Variants in LIF observed in about 807,000 individuals in gnomAD.
LIF encodes the protein leukemia inhibitory factor.
A neutral mutation model predicts 15.0 loss-of-function variants in LIF; 9 were observed. The ratio of observed to expected loss-of-function variants is 0.60; its 90% CI spans 0.36 to 1.04. The LOEUF is 1.04. Among genes scored for constraint, LIF ranks in the 50% least tolerant of loss-of-function variants. The pLI is 0.01. For synonymous variants in LIF, 122 were observed against 119.7 expected (o/e 1.02, Z -0.13); for missense variants, 240 against 266.7 (o/e 0.90, Z 0.70).
intron 1 of LIF, among the ~76,000 whole-genome samples, chr22:30,245,522 A>G (rs1928851985): frequency 6.6e-6 from 1 of 151,914 alleles, no homozygotes; most frequent in African/African-American, 2.4e-5. Flanking sequence ...CCCTGGGCCA[A>G]TTGCCCCCAA....
chr22:30,240,586 G>C lies in LIF; in HGVS notation c.*3065C>G, dbSNP rs1601639154. The C allele has an allele frequency of 6.6e-6, 1 of 152,518 alleles. No homozygotes were observed. Among genetic ancestry groups the C allele is most frequent in the South Asian group, 2.1e-4 (1 of 4,814 alleles). 9.4% of individuals were successfully genotyped at this position (152,518 alleles called of 1,614,324 possible). A position where few individuals can be genotyped will look rare whatever the true frequency, so the allele number is the denominator to read the frequency against. On this transcript the variant is annotated 3_prime_UTR_variant, in exon 3 of 3. Transcript: ENST00000249075. ...CTGTCAGTATGAAACATCCCCACAGGGTACATTCATCAAAGAGGAATTTGT... is the reference window on the plus strand; with the variant it reads ...CTGTCAGTATGAAACATCCCCACAGCGTACATTCATCAAAGAGGAATTTGT...
At position 30,243,046 on chromosome 22, in the gene LIF, A is replaced by C; in HGVS notation, c.*605T>G. ...TGCCTCCCCAAGAGCCTGAATGCCAAGTGACCTCCTTCTGGAAACTTCTGC... is the reference window on the plus strand; with the variant it reads ...TGCCTCCCCAAGAGCCTGAATGCCACGTGACCTCCTTCTGGAAACTTCTGC... On this transcript the variant is annotated 3_prime_UTR_variant, in exon 3 of 3. Coordinates refer to ENST00000249075, the MANE Select transcript of LIF (RefSeq NM_002309.5). The surrounding 1 kb of genome is among the most constrained non-coding windows in gnomAD (Gnocchi z 6.0). The C allele has an allele frequency of 6.2e-6, 1 of 160,258 alleles. No homozygotes were observed. Among genetic ancestry groups the C allele is most frequent in the East Asian group, 1.8e-4 (1 of 5,614 alleles). 9.9% of individuals were successfully genotyped at this position (160,258 alleles called of 1,614,324 possible). A position where few individuals can be genotyped will look rare whatever the true frequency, so the allele number is the denominator to read the frequency against.
intron 1 of LIF, 93 bp downstream of exon 1, chr22:30,246,584 G>T (rs767346816): frequency 2.0e-6 from 3 of 1,494,046 alleles, no homozygotes; most frequent in South Asian, 2.6e-5. Flanking sequence ...TGTCTGCGGC[G>T]GGTGGGCGTC....
chr22:30,244,688 C>T (rs1928808661), intron 2 of LIF, 67 bp downstream of exon 2: 10 of 1,467,106 alleles, frequency 6.8e-6, no homozygotes, highest in Non-Finnish European at 9.5e-6. Context: ...CAGATCAGGA[C>T]AGCCCCTAAT....
At chr22:30,245,449 G>A (rs1928848093) in intron 1 of LIF, among the ~76,000 whole-genome samples, 1 of 152,182 alleles carries the variant, frequency 6.6e-6, no homozygotes, top group South Asian at 2.1e-4. Flanking sequence ...GGGCATGGGG[G>A]AGTGGGGAGG....
Position 30,240,804 on chromosome 22 carries a change from G to A in LIF, c.*2847C>T, listed in dbSNP as rs974835194. 1 of 152,262 alleles carries A rather than the reference G, an allele frequency of 6.6e-6. No homozygotes were observed. Among genetic ancestry groups the A allele is most frequent in the Non-Finnish European group, 1.5e-5 (1 of 68,124 alleles). The allele number at this position is 152,262 out of a possible 1,614,324, so 9.4% of individuals were successfully genotyped here. A position where few individuals can be genotyped will look rare whatever the true frequency, so the allele number is the denominator to read the frequency against. On this transcript the variant is annotated 3_prime_UTR_variant, in exon 3 of 3. Transcript: ENST00000249075. ...AAATGCTACCTCCCCGGGTGCCAGA[G>A]CTCCAACCCCACACACTATGTCTAC... is the stretch of plus-strand genomic sequence containing the variant.
Position 30,243,624 on chromosome 22 carries a change from G to A in LIF, c.*27C>T. 1 of 1,613,992 alleles carries A rather than the reference G, an allele frequency of 6.2e-7. No individual in the cohort carries two copies. Among genetic ancestry groups the A allele is most frequent in the African/African-American group, 1.3e-5 (1 of 75,044 alleles). On this transcript the variant is annotated 3_prime_UTR_variant, in exon 3 of 3. Transcript: ENST00000249075. This position sits in a 1 kb window ranked among gnomAD's most constrained non-coding sequence, Gnocchi z 6.0. Reference sequence around the variant, plus strand: ...TGGACCCAACTCCTGAGATCCCTCGGTTCACAGCACACTTCAAGACCTCCT... The same window carrying A: ...TGGACCCAACTCCTGAGATCCCTCGATTCACAGCACACTTCAAGACCTCCT...
chr22:30,245,037 C>T (rs1928828723), intron 1 of LIF, 104 bp from the exon 2 acceptor site: 4 of 1,085,758 alleles, frequency 3.7e-6, no homozygotes, highest in East Asian at 2.5e-5. Context: ...TGGGAGAGGA[C>T]TCCTGGTTCC....
chr22:30,244,046 C>T lies in LIF; in HGVS notation c.214G>A (p.Glu72Lys). Residue 72 changes from glutamate to lysine, a missense_variant, in exon 3 of 3, where the codon GAG (glutamate) becomes AAG (lysine). Glu to Lys is a moderately conservative substitution (Grantham distance 56). Coordinates refer to ENST00000249075, the MANE Select transcript of LIF (RefSeq NM_002309.5). Reference protein sequence around the residue: ...LFILYYTAQGEPFPNNLDKLC... With the variant: ...LFILYYTAQGKPFPNNLDKLC... ...TTGTCCAGGTTGTTGGGGAACGGCT[C>T]CCCCTGGGCTGTGTACTGAGGGGCA... 1 of 1,608,058 alleles carries T rather than the reference C, an allele frequency of 6.2e-7. No individual in the cohort carries two copies. Among genetic ancestry groups the T allele is most frequent in the Non-Finnish European group, 8.5e-7 (1 of 1,178,728 alleles).
At chr22:30,246,454 C>T in intron 1 of LIF, 1 of 1,212,160 alleles carries the variant, frequency 8.2e-7, no homozygotes, top group Non-Finnish European at 1.0e-6. Context: ...AGGCTCGGCG[C>T]CCCCTCCCTC....
rs766190031 is a variant in LIF at position 30,246,753 on chromosome 22, G to A, written c.-58C>T. 7.8e-6 allele frequency: 12 copies of A among 1,540,520 alleles called. No homozygotes were observed. Among genetic ancestry groups the A allele is most frequent in the Admixed American group, 5.9e-5 (3 of 50,996 alleles). On this transcript the variant is annotated 5_prime_UTR_variant, in exon 1 of 3. Coordinates refer to ENST00000249075, the MANE Select transcript of LIF (RefSeq NM_002309.5). The stretch of plus-strand genomic sequence containing the variant: ...ACCTCAGATGCCGGCAGTTTTCAGA[G>A]GTTCATGCTCAAATGGGGAATTTGC...
Position 30,243,713 on chromosome 22 carries a change from G to A in LIF, c.547C>T (p.Leu183=). ...TACTTCCCCAGGAGTTGACAGCCCAGCTTCTTCTTCTGGAAGACATCCTTA... is the reference window on the plus strand; with the variant it reads ...TACTTCCCCAGGAGTTGACAGCCCAACTTCTTCTTCTGGAAGACATCCTTA... ...SGKDVFQKKK[L]GCQLLGKYKQ... is the part of the protein sequence containing the mutation. The change falls in exon 3 of 3, where the codon CTG becomes TTG. Residue 183 remains leucine (L), a synonymous_variant. Coordinates refer to ENST00000249075, the MANE Select transcript of LIF (RefSeq NM_002309.5). The surrounding 1 kb of genome is among the most constrained non-coding windows in gnomAD (Gnocchi z 6.0). 2 of 1,614,254 alleles carry A rather than the reference G, an allele frequency of 1.2e-6. No homozygotes were observed. Among genetic ancestry groups the A allele is most frequent in the South Asian group, 1.1e-5 (1 of 91,090 alleles).
chr22:30,246,553 C>T (rs1443995994), intron 1 of LIF, 124 bp downstream of exon 1: 4 of 1,357,998 alleles, frequency 2.9e-6, no homozygotes, highest in African/African-American at 3.1e-5. Flanking sequence ...GGTGGCTGCG[C>T]GGGCGCCCCA....
chr22:30,244,330 G>A (rs762874968), intron 2 of LIF, among the ~76,000 whole-genome samples: 3 of 152,024 alleles, frequency 2.0e-5, no homozygotes, highest in Non-Finnish European at 4.4e-5. Flanking sequence ...GGGAAAACTC[G>A]GTGTCTAGCC....
At position 30,243,963 on chromosome 22, in the gene LIF, C is replaced by T. The variant is rs141563207; in HGVS notation, c.297G>A (p.Lys99=). ...FPPFHANGTE[K]AKLVELYRIV... is the part of the protein sequence containing the mutation. ...TGCGGTACAGCTCCACCAGCTTGGCCTTCTCCGTGCCGTTGGCGTGGAAGG... is the reference window on the plus strand; with the variant it reads ...TGCGGTACAGCTCCACCAGCTTGGCTTTCTCCGTGCCGTTGGCGTGGAAGG... Residue 99 remains lysine, a synonymous_variant, in exon 3 of 3, where the codon AAG becomes AAA. Transcript: ENST00000249075. The surrounding 1 kb of genome is among the most constrained non-coding windows in gnomAD (Gnocchi z 6.0). The T allele has an allele frequency of 8.9e-4, 1,438 of 1,614,156 alleles. 2 individuals are homozygous for T. Among genetic ancestry groups the T allele is most frequent in the Non-Finnish European group, 1.0e-3 (1,232 of 1,180,024 alleles).
Position 30,243,635 on chromosome 22 carries a change from A to G in LIF, c.*16T>C, listed in dbSNP as rs1425311866. 2 of 1,614,028 alleles carry G rather than the reference A, an allele frequency of 1.2e-6. No individual in the cohort carries two copies. Among genetic ancestry groups the G allele is most frequent in the South Asian group, 1.1e-5 (1 of 91,078 alleles). Reference sequence around the variant, plus strand: ...CCTGAGATCCCTCGGTTCACAGCACACTTCAAGACCTCCTGCTAGAAGGCC... The same window carrying G: ...CCTGAGATCCCTCGGTTCACAGCACGCTTCAAGACCTCCTGCTAGAAGGCC... On this transcript the variant is annotated 3_prime_UTR_variant, in exon 3 of 3. Coordinates refer to ENST00000249075, the MANE Select transcript of LIF (RefSeq NM_002309.5). The surrounding 1 kb of genome is among the most constrained non-coding windows in gnomAD (Gnocchi z 6.0).
intron 1 of LIF, among the ~76,000 whole-genome samples, chr22:30,245,353 G>A (rs1235341978): frequency 1.3e-5 from 2 of 152,180 alleles, no homozygotes; most frequent in Admixed American, 6.5e-5. Flanking sequence ...CACCTCCCGT[G>A]GTGGCCCAGG....
chr22:30,245,758 C>T (rs1049622911), intron 1 of LIF, among the ~76,000 whole-genome samples: 2 of 152,232 alleles, frequency 1.3e-5, no homozygotes, highest in African/African-American at 4.8e-5. Flanking sequence ...ACACACACAC[C>T]GGCTCAGGGA....
intron 1 of LIF, 180 bp downstream of exon 1, chr22:30,246,497 G>C: frequency 7.8e-7 from 1 of 1,279,334 alleles, no homozygotes; most frequent in South Asian, 2.5e-5. Flanking sequence ...TGCGGTGCTT[G>C]GGACCATGTG....
Sources: gnomAD v4.1 joint callset for allele counts (sites outside exome capture counted in the v4.1 genomes callset) on GRCh38, gnomAD v4.1.1 for gene constraint, Gnocchi (gnomAD v3.1) non-coding constraint, MANE v1.5 for transcripts, NCBI Gene and HGNC (gene_info 2026-07-23, HGNC 2026-07-21) for gene names.